IL9R: variants seen among roughly 807,000 people sequenced by gnomAD.
IL9R encodes interleukin 9 receptor, also known as interleukin-9 receptor.
Under a neutral mutation model 56.3 loss-of-function variants are expected in IL9R, and 54 were observed. The observed-to-expected ratio is 0.96, with a 90% confidence interval of 0.77 to 1.20. The LOEUF (loss-of-function observed/expected upper bound fraction) is 1.20, where lower values mean the gene tolerates loss of function less well. Ranked by LOEUF, IL9R falls within the 50% of genes most tolerant of loss-of-function variation. IL9R has a pLI of 0.00. For synonymous variants in IL9R, 212 were observed against 250.2 expected (o/e 0.85, Z 1.44); for missense variants, 545 against 629.8 (o/e 0.87, Z 1.44).
Position 156,003,746 on chromosome X carries a change from T to C in IL9R, c.324T>C (p.Pro108=). ...GTGAGTGCACCGTCGTGCTGCCACCTGAGGCAGTGCTCGTGCCATCTGACA... is the reference window on the plus strand; with the variant it reads ...GTGAGTGCACCGTCGTGCTGCCACCCGAGGCAGTGCTCGTGCCATCTGACA... The part of the protein sequence containing the change: ...RGSECTVVLP[P]EAVLVPSDNF... Residue 108 remains proline (P), a synonymous_variant, in exon 4 of 9, where the codon CCT becomes CCC. Coordinates refer to ENST00000244174, the MANE Select transcript of IL9R (RefSeq NM_002186.3). 1.2e-6 allele frequency: 2 copies of C among 1,613,940 alleles called. No individual in the cohort carries two copies. Among genetic ancestry groups the C allele is most frequent in the South Asian group, 2.2e-5 (2 of 91,050 alleles).
intron 8 of IL9R, among the ~76,000 whole-genome samples, chrX:156,009,275 T>A (rs1237107053): frequency 3.6e-5 from 4 of 112,460 alleles, no homozygotes; most frequent in African/African-American, 1.8e-4. Flanking sequence ...TTTGTGTGTG[T>A]ATGTCTGTGT....
rs2067742363 is a variant in IL9R, at chrX:156,004,119, C to A, written c.433+264C>A. ...GCTGGCACTTGAGTCATGTGAAATG[C>A]ACTTCAGTCATACCAGGAAGGACTC... On this transcript the variant is annotated intron_variant, in intron 4 of 8. Transcript: ENST00000244174. 5 of 600,864 alleles carry A rather than the reference C, an allele frequency of 8.3e-6. No individual in the cohort carries two copies. In the East Asian group the frequency reaches 1.4e-4, roughly 17 times the overall value. The allele number at this position is 600,864 out of a possible 1,614,324, so 37.2% of individuals were successfully genotyped here. A position where few individuals can be genotyped will look rare whatever the true frequency, so the allele number is the denominator to read the frequency against.
chrX:156,006,362 G>A (rs892479622), intron 7 of IL9R, among the ~76,000 whole-genome samples, 174 bp downstream of exon 7: 44 of 149,682 alleles, frequency 2.9e-4, no homozygotes, highest in Non-Finnish European at 3.7e-4. Context: ...GGTCCTGGAC[G>A]GGGTGGGCTT....
Position 156,000,145 on chromosome X carries a change from A to AAAATAT in IL9R, c.28+2359_28+2360insAATATA, listed in dbSNP as rs780163667. ...AGCGAGACTCCGTCTAAAAAAAAAAAATATATATATATATACACACATATA... is the reference window on the plus strand; with the variant it reads ...AGCGAGACTCCGTCTAAAAAAAAAAAAAATATATATATATATATATACACACATATA... On this transcript the variant is annotated intron_variant, in intron 1 of 8. Transcript: ENST00000244174. Among the ~76,000 whole-genome samples, 421 of 144,268 alleles carry AAAATAT rather than the reference A, an allele frequency of 2.9e-3. 3 individuals are homozygous for AAAATAT. Among genetic ancestry groups the AAAATAT allele is most frequent in the African/African-American group, 8.5e-3 (320 of 37,768 alleles). 94.6% of individuals were successfully genotyped at this position (144,268 alleles called of 152,430 possible). A position where few individuals can be genotyped will look rare whatever the true frequency, so the allele number is the denominator to read the frequency against.
Position 156,005,310 on chromosome X carries a change from G to T in IL9R, c.612G>T (p.Val204=), listed in dbSNP as rs1351382581. The T allele has an allele frequency of 6.2e-7, 1 of 1,612,010 alleles. No homozygotes were observed. The highest frequency in any genetic ancestry group is 8.5e-7 in the Non-Finnish European group (1 of 1,179,862). ...QAQHRDHIVG[V]TWLILEAFEL... is the part of the protein sequence containing the mutation. ...AGCACAGGGATCACATTGTCGGGGT[G>T]ACCTGGCTTATACTTGAAGCCTTTG... Residue 204 remains valine, a synonymous_variant, in exon 6 of 9, where the codon GTG becomes GTT. Transcript: ENST00000244174.
In IL9R at chrX:156,005,330, C is replaced by T. The variant is rs770967862; in HGVS notation, c.632C>T (p.Ala211Val). The T allele has an allele frequency of 1.2e-5, 19 of 1,612,418 alleles. No homozygotes were observed. In the Admixed American group the frequency reaches 3.0e-4, roughly 25 times the overall value. ...IVGVTWLILE[A>V]FELDPGFIHE... ...GGGGTGACCTGGCTTATACTTGAAGCCTTTGAGCTGGACCCTGGCTTTATC... is the reference window on the plus strand; with the variant it reads ...GGGGTGACCTGGCTTATACTTGAAGTCTTTGAGCTGGACCCTGGCTTTATC... The change falls in exon 6 of 9, where the codon GCC becomes GTC. Residue 211 changes from alanine to valine, a missense_variant. Physicochemically the swap from Ala to Val is moderately conservative, Grantham distance 64. Transcript: ENST00000244174.
At chrX:155,999,527 C>A (rs2067371064) in intron 1 of IL9R, among the ~76,000 whole-genome samples, 1 of 152,108 alleles carries the variant, frequency 6.6e-6, no homozygotes, top group Non-Finnish European at 1.5e-5. Context: ...CCATCCCTAC[C>A]CCTGTCAGCA....
At chrX:156,002,258 G>A (rs1198799420) in intron 1 of IL9R, among the ~76,000 whole-genome samples, 4 of 152,088 alleles carry the variant, frequency 2.6e-5, no homozygotes, top group Non-Finnish European at 5.9e-5. Context: ...GCTGAGGCAG[G>A]ATAATCACTT....
intron 1 of IL9R, among the ~76,000 whole-genome samples, chrX:155,998,857 G>C (rs187212535): frequency 2.6e-5 from 4 of 152,194 alleles, no homozygotes; most frequent in African/African-American, 9.6e-5. Flanking sequence ...GGGCAGCAAG[G>C]CTGTGGGAGG....
chrX:156,009,262 G>GTGTTTATGTGTGTGTGTC (rs2068292838), intron 8 of IL9R, among the ~76,000 whole-genome samples: 1 of 47,722 alleles, frequency 2.1e-5, no homozygotes, highest in Non-Finnish European at 4.7e-5. Flanking sequence ...CTGTGTGTGT[G>GTGTTTATGTGTGTGTGTC]TGTTTGTGTG....
chrX:156,003,656 GC>G lies in IL9R; in HGVS notation c.255-20del. ...CAGGACAGTGTAGCAGCCCCGTGGT[GC>G]TGACAAATGCCCTTTCCAGCAACCA... is the stretch of plus-strand genomic sequence containing the variant. On this transcript the variant is annotated intron_variant, in intron 3 of 8. Coordinates refer to ENST00000244174, the MANE Select transcript of IL9R (RefSeq NM_002186.3). The G allele has an allele frequency of 6.2e-7, 1 of 1,612,256 alleles. No individual in the cohort carries two copies. Among genetic ancestry groups the G allele is most frequent in the Non-Finnish European group, 8.5e-7 (1 of 1,179,008 alleles).
intron 1 of IL9R, 32 bp from the exon 2 acceptor site, chrX:156,002,874 T>A (rs758625366): frequency 6.2e-7 from 1 of 1,613,224 alleles, no homozygotes; most frequent in Non-Finnish European, 8.5e-7. Context: ...GAGGGATGAT[T>A]TGCACAGGGC....
chrX:155,998,884 C>CAGGCG (rs2067317718), intron 1 of IL9R, among the ~76,000 whole-genome samples: 1 of 152,080 alleles, frequency 6.6e-6, no homozygotes, highest in Admixed American at 6.6e-5. Flanking sequence ...TTGGGCAGAG[C>CAGGCG]AGGCGACGTG....
At chrX:156,004,074 G>A (rs1362357624) in intron 4 of IL9R, 36 of 611,264 alleles carry the variant, frequency 5.9e-5, no homozygotes, top group South Asian at 9.9e-5. Flanking sequence ...AAACATGCAC[G>A]GCTGCTAGTT....
At chrX:156,003,892 G>C in intron 4 of IL9R, 37 bp downstream of exon 4, 1 of 1,608,158 alleles carries the variant, frequency 6.2e-7, no homozygotes, top group Non-Finnish European at 8.5e-7. Flanking sequence ...GGGGCCGCTT[G>C]GCAAGAACAT....
intron 1 of IL9R, chrX:156,001,308 C>T (rs3093485): frequency 0.19 from 163,682 of 846,428 alleles, 18,046 homozygotes; most frequent in Middle Eastern, 0.31. Flanking sequence ...CAGCTGTGGC[C>T]GTTGTGCCTG....
rs146683640 is a variant in IL9R at position 156,000,186 on chromosome X, C to T, written c.28+2399C>T. On this transcript the variant is annotated intron_variant, in intron 1 of 8. Coordinates refer to ENST00000244174, the MANE Select transcript of IL9R (RefSeq NM_002186.3). ...CACACATATATATATGCATAATAGT[C>T]TCTGTGTAACAGTAAGTGGATGCAG... Among the ~76,000 whole-genome samples the T allele has an allele frequency of 1.5e-3, 225 of 151,220 alleles. 1 individual carries two copies. The highest frequency in any genetic ancestry group is 7.2e-3 in the South Asian group (34 of 4,740).
At chrX:156,007,212 G>A (rs1001083528) in intron 7 of IL9R, among the ~76,000 whole-genome samples, 23 of 70 alleles carry the variant, frequency 0.33, no homozygotes, top group African/African-American at 0.4. Context: ...GCAAAGACAG[G>A]GTTCCTGGAG....
In IL9R at chrX:156,006,116, A is replaced by T; in HGVS notation, c.815A>T (p.Asn272Ile). The T allele has an allele frequency of 6.2e-7, 1 of 1,600,870 alleles. No individual in the cohort carries two copies. The highest frequency in any genetic ancestry group is 8.5e-7 in the Non-Finnish European group (1 of 1,170,044). ...PLIPPWGWPG[N>I]TLVAVSIFLL... is the part of the protein sequence containing the mutation. ...ATCCCACCCTGGGGGTGGCCAGGCA[A>T]CACCCTTGTTGCTGTGTCCATCTTT... The change falls in exon 7 of 9, where the codon AAC becomes ATC. Residue 272 changes from asparagine (N) to isoleucine (I), a missense_variant. By Grantham distance (149) the Asn-to-Ile change is moderately radical. Transcript: ENST00000244174.
Sources: gnomAD v4.1 joint callset for allele counts (sites outside exome capture counted in the v4.1 genomes callset) on GRCh38, gnomAD v4.1.1 for gene constraint, MANE v1.5 for transcripts, NCBI Gene and HGNC (gene_info 2026-07-23, HGNC 2026-07-21) for gene names.